The following UNC13C variants were observed in gnomAD, a reference collection of about 807,000 sequenced individuals.
The protein encoded by UNC13C is unc-13 homolog C.
UNC13C carries 174 observed loss-of-function variants against 245.4 expected under a neutral mutation model. That is an observed-to-expected ratio of 0.71 (90% confidence interval 0.63 to 0.80). UNC13C has a LOEUF of 0.80. UNC13C is among the 30% of genes least tolerant of loss of function. The pLI is 0.00. For synonymous variants in UNC13C, 992 were observed against 895.1 expected (o/e 1.11, Z -1.93); for missense variants, 2,829 against 2,602.9 (o/e 1.09, Z -1.89).
At chr15:54,074,822 CAG>C in intron 2 of UNC13C, among the ~76,000 whole-genome samples, 1 of 152,198 alleles carries the variant, frequency 6.6e-6, no homozygotes, top group African/African-American at 2.4e-5. Context: ...CATCTGCAAA[CAG>C]AGACAATTTG....
intron 19 of UNC13C, among the ~76,000 whole-genome samples, chr15:54,437,137 A>G (rs1238883916): frequency 2.0e-5 from 3 of 151,946 alleles, no homozygotes; most frequent in Non-Finnish European, 4.4e-5. Flanking sequence ...TAAAATCAGT[A>G]TCCCCTTGGA....
intron 4 of UNC13C, among the ~76,000 whole-genome samples, chr15:54,206,705 C>G (rs937409001): frequency 2.0e-4 from 31 of 152,048 alleles, no homozygotes; most frequent in African/African-American, 7.0e-4. Context: ...CACTAGTCAG[C>G]AAGTACATTG....
At chr15:54,092,051 C>G (rs1799199891) in intron 2 of UNC13C, among the ~76,000 whole-genome samples, 1 of 152,186 alleles carries the variant, frequency 6.6e-6, no homozygotes, top group African/African-American at 2.4e-5. Flanking sequence ...CACGGATCCC[C>G]TCTCTTAGGA....
chr15:54,553,371 T>C (rs1244723056), intron 28 of UNC13C, among the ~76,000 whole-genome samples: 5 of 127,706 alleles, frequency 3.9e-5, no homozygotes, highest in Non-Finnish European at 6.3e-5. Context: ...AATATATAAT[T>C]ATATTATATT....
Position 54,046,962 on chromosome 15 carries a change from A to C in UNC13C, c.2983+31076A>C, listed in dbSNP as rs146480391. ...AGAGACACAATCCCTTTATCCCTTT[A>C]TACGCATGTAACATATTTATATGTA... On this transcript the variant is annotated intron_variant, in intron 2 of 32. Transcript: ENST00000260323. 7.4e-3 allele frequency among the ~76,000 whole-genome samples: 1,132 copies of C among 152,208 alleles called. 13 individuals carry two copies. The highest frequency in any genetic ancestry group is 0.025 in the African/African-American group (1,039 of 41,574).
At chr15:54,454,610 C>G (rs997651360) in intron 19 of UNC13C, among the ~76,000 whole-genome samples, 1 of 151,486 alleles carries the variant, frequency 6.6e-6, no homozygotes, top group African/African-American at 2.4e-5. Context: ...GCCCTTCCTC[C>G]AAGCCCCTGA....
chr15:54,196,629 G>A (rs2034362225), intron 4 of UNC13C, among the ~76,000 whole-genome samples: 1 of 152,086 alleles, frequency 6.6e-6, no homozygotes, highest in African/African-American at 2.4e-5. Flanking sequence ...AATATATCAT[G>A]ACCAAGTTAA....
At chr15:54,440,411 GTCTT>G (rs776129870) in intron 19 of UNC13C, among the ~76,000 whole-genome samples, 5 of 152,040 alleles carry the variant, frequency 3.3e-5, no homozygotes, top group Non-Finnish European at 4.4e-5. Context: ...AGGCAGTACT[GTCTT>G]TCTGTGCCTG....
At chr15:54,471,599 C>T (rs1307823726) in intron 19 of UNC13C, among the ~76,000 whole-genome samples, 1 of 151,334 alleles carries the variant, frequency 6.6e-6, no homozygotes, top group African/African-American at 2.4e-5. Context: ...GTGAAAAGAC[C>T]TAACTATATG....
intron 2 of UNC13C, among the ~76,000 whole-genome samples, chr15:54,110,662 T>C (rs1394256214): frequency 6.6e-6 from 1 of 152,212 alleles, no homozygotes; most frequent in East Asian, 1.9e-4. Context: ...GAAAATTAAT[T>C]ATTAGTTTTC....
chr15:54,158,088 CAA>C (rs2032826619), intron 4 of UNC13C, among the ~76,000 whole-genome samples: 1 of 152,134 alleles, frequency 6.6e-6, no homozygotes, highest in East Asian at 1.9e-4. Context: ...TCCAGAACGA[CAA>C]AGAGACAAGG....
chr15:54,020,666 G>C (rs768206441), intron 2 of UNC13C, among the ~76,000 whole-genome samples: 19 of 151,966 alleles, frequency 1.3e-4, no homozygotes, highest in Non-Finnish European at 2.6e-4. Flanking sequence ...AAAGGCTTTA[G>C]TAATATCTAC....
intron 24 of UNC13C, among the ~76,000 whole-genome samples, chr15:54,521,305 A>G (rs1041819530): frequency 2.0e-5 from 3 of 152,188 alleles, no homozygotes; most frequent in African/African-American, 7.2e-5. Context: ...GATAACACTG[A>G]TGAGCTGAAC....
chr15:54,135,986 C>T (rs373297606), intron 2 of UNC13C, among the ~76,000 whole-genome samples: 2 of 152,240 alleles, frequency 1.3e-5, no homozygotes, highest in African/African-American at 2.4e-5. Flanking sequence ...GCACACTGAA[C>T]ATCTTTCCAT....
At chr15:54,105,026 G>A (rs757962721) in intron 2 of UNC13C, among the ~76,000 whole-genome samples, 47 of 152,136 alleles carry the variant, frequency 3.1e-4, no homozygotes, top group Non-Finnish European at 6.3e-4. Flanking sequence ...TTTGTCTGGA[G>A]GAAAAGCCCC....
chr15:54,370,017 T>A (rs1368888067), intron 17 of UNC13C, among the ~76,000 whole-genome samples: 1 of 152,140 alleles, frequency 6.6e-6, no homozygotes, highest in East Asian at 1.9e-4. Flanking sequence ...GCTCATTGGT[T>A]GTACTTAACA....
At chr15:54,398,863 C>A (rs1328550206) in intron 18 of UNC13C, among the ~76,000 whole-genome samples, 3 of 151,436 alleles carry the variant, frequency 2.0e-5, no homozygotes, top group Non-Finnish European at 4.4e-5. Context: ...TTCTGTCCAA[C>A]TGTCTGAACG....
the UNC13C span, among the ~76,000 whole-genome samples, chr15:53,869,360 T>C: frequency 6.6e-6 from 1 of 152,154 alleles, no homozygotes; most frequent in Non-Finnish European, 1.5e-5. Flanking sequence ...ATGACATTGT[T>C]TTCTTTTGAT....
chr15:54,599,069 T>C (rs919007003), intron 30 of UNC13C, among the ~76,000 whole-genome samples: 2 of 152,158 alleles, frequency 1.3e-5, no homozygotes, highest in African/African-American at 4.8e-5. Context: ...TAATAGCTCA[T>C]TTTATTTTAG....
Sources: allele counts gnomAD v4.1 joint callset (sites outside exome capture counted in the v4.1 genomes callset), GRCh38; gene constraint gnomAD v4.1.1; transcripts MANE v1.5; gene names NCBI Gene and HGNC (gene_info 2026-07-23, HGNC 2026-07-21).